The following IQSEC2 variants were observed in gnomAD, a reference collection of about 807,000 sequenced individuals.
IQSEC2 encodes IQ motif and SEC7 domain-containing protein 2.
Under a neutral mutation model 74.6 loss-of-function variants are expected in IQSEC2, and 6 were observed. That is an observed-to-expected ratio of 0.08 (90% CI 0.04 to 0.16). The LOEUF is 0.16. Ranked by LOEUF, IQSEC2 falls within the 10% of genes least tolerant of loss-of-function variation. The pLI is 1.00. For missense variants in IQSEC2, 734 were observed against 1,306.2 expected (o/e 0.56, Z 6.75); for synonymous variants, 494 against 544.5 (o/e 0.91, Z 1.29).
intron 2 of IQSEC2, among the ~76,000 whole-genome samples, chrX:53,262,775 C>T (rs1386222034): frequency 8.0e-5 from 9 of 113,022 alleles, no homozygotes; most frequent in African/African-American, 2.3e-4. Flanking sequence ...GCTGCATACA[C>T]GGGCTTTGGG....
In IQSEC2 at chrX:53,243,471, C is replaced by T; in HGVS notation, c.2750G>A (p.Gly917Glu). 1.7e-6 allele frequency: 2 copies of T among 1,173,785 alleles called. No homozygotes were observed. The highest frequency in any genetic ancestry group is 2.3e-6 in the Non-Finnish European group (2 of 875,114). The stretch of plus-strand genomic sequence containing the variant: ...GGGGATGTCTTCACCATTGTCAACC[C>T]CTGGGGGAGGGAGTAACACAGGGAT... Reference protein sequence around the residue: ...KLDDFIKNLRGVDNGEDIPRD... With the variant: ...KLDDFIKNLREVDNGEDIPRD... Residue 917 changes from glycine to glutamate, a missense_variant and splice_region_variant, in exon 9 of 15, where the codon GGG becomes GAG. Physicochemically the swap from Gly to Glu is moderately conservative, Grantham distance 98. Around this residue, in one of 12 missense-constraint regions of IQSEC2, gnomAD observed 249 missense variants for 467.9 expected, o/e 0.53. Coordinates refer to ENST00000642864, the MANE Select transcript of IQSEC2 (RefSeq NM_001111125.3).
intron 8 of IQSEC2, among the ~76,000 whole-genome samples, chrX:53,243,936 C>T (rs1486641102): frequency 2.7e-5 from 3 of 111,936 alleles, no homozygotes; most frequent in Non-Finnish European, 5.6e-5. Context: ...AATGCTAGTG[C>T]AGGCGGGGCA....
At chrX:53,255,204 C>A (rs1441555812) in intron 3 of IQSEC2, among the ~76,000 whole-genome samples, 8 of 108,491 alleles carry the variant, frequency 7.4e-5, no homozygotes, top group Non-Finnish European at 1.5e-4. Flanking sequence ...AAAAAGAAAG[C>A]AAGGTAGAAA....
chrX:53,287,253 G>A (rs1475090573), intron 2 of IQSEC2, among the ~76,000 whole-genome samples: 1 of 112,380 alleles, frequency 8.9e-6, no homozygotes, highest in Non-Finnish European at 1.9e-5. Context: ...TAAGACAAGT[G>A]AAAATTGGGA....
chrX:53,241,168 C>T (rs1345603434), intron 10 of IQSEC2, among the ~76,000 whole-genome samples: 6 of 111,057 alleles, frequency 5.4e-5, no homozygotes, highest in East Asian at 5.6e-4. Context: ...TGCAGTGGTG[C>T]GATCACAGCA....
At chrX:53,297,362 C>T (rs1415446477) in intron 1 of IQSEC2, among the ~76,000 whole-genome samples, 2 of 110,884 alleles carry the variant, frequency 1.8e-5, no homozygotes, top group Non-Finnish European at 3.8e-5. Context: ...GACAGGTCCT[C>T]ATCCTATTAC....
chrX:53,253,980 T>C (rs1426803626), intron 4 of IQSEC2, among the ~76,000 whole-genome samples: 2 of 112,083 alleles, frequency 1.8e-5, no homozygotes, highest in Non-Finnish European at 3.8e-5. Flanking sequence ...TACATATTTT[T>C]TCCCACAAGA....
chrX:53,303,305 A>T (rs781891667), intron 1 of IQSEC2, among the ~76,000 whole-genome samples: 3 of 111,481 alleles, frequency 2.7e-5, no homozygotes, highest in African/African-American at 6.5e-5. Context: ...GTTCAGTACA[A>T]CTTGAGTGTA....
intron 2 of IQSEC2, among the ~76,000 whole-genome samples, chrX:53,290,885 A>G (rs1194184874): frequency 1.8e-5 from 2 of 112,868 alleles, no homozygotes; most frequent in Non-Finnish European, 3.8e-5. Context: ...GGTCACAGCC[A>G]AAAGGATATG....
chrX:53,251,547 T>C (rs1388585592), intron 4 of IQSEC2, among the ~76,000 whole-genome samples: 2 of 111,685 alleles, frequency 1.8e-5, no homozygotes, highest in Non-Finnish European at 3.8e-5. Flanking sequence ...GTTTCCTCTG[T>C]GGGAATTCTC....
chrX:53,312,804 T>C (rs2075334312), intron 1 of IQSEC2, among the ~76,000 whole-genome samples: 1 of 112,221 alleles, frequency 8.9e-6, no homozygotes, highest in Admixed American at 9.5e-5. Flanking sequence ...ATGACAATAA[T>C]TCTAAAGTGG....
chrX:53,295,625 A>G (rs915935117), intron 1 of IQSEC2, among the ~76,000 whole-genome samples: 28 of 108,672 alleles, frequency 2.6e-4, no homozygotes, highest in African/African-American at 3.7e-4. Flanking sequence ...AAAAAAAAAA[A>G]AAGAAGAAGC....
chrX:53,309,570 C>G (rs2075301000), intron 1 of IQSEC2, among the ~76,000 whole-genome samples: 1 of 111,470 alleles, frequency 9.0e-6, no homozygotes, highest in Non-Finnish European at 1.9e-5. Context: ...GTTGGCCCCT[C>G]CTAACTAACC....
rs1209862900 is a variant in IQSEC2, at chrX:53,233,337, C to T, written c.*882G>A. 1 of 111,147 alleles carries T rather than the reference C, an allele frequency of 9.0e-6. No homozygotes were observed. The highest frequency in any genetic ancestry group is 1.9e-5 in the Non-Finnish European group (1 of 52,874). 9.2% of individuals were successfully genotyped at this position (111,147 alleles called of 1,213,427 possible). ...TCTCCCCAGGGCTGATGCTGGGTGCCCCTGCCCCAGCGAGGTGTGTGTGGG... is the reference window on the plus strand; with the variant it reads ...TCTCCCCAGGGCTGATGCTGGGTGCTCCTGCCCCAGCGAGGTGTGTGTGGG... On this transcript the variant is annotated 3_prime_UTR_variant, in exon 15 of 15. Transcript: ENST00000642864.
chrX:53,256,618 G>A (rs1556865334), intron 2 of IQSEC2, among the ~76,000 whole-genome samples: 4 of 110,890 alleles, frequency 3.6e-5, no homozygotes, highest in African/African-American at 1.3e-4. Flanking sequence ...CCCCTCATCC[G>A]CCCAGCCCTG....
At chrX:53,247,501 C>T (rs1438522225) in intron 7 of IQSEC2, among the ~76,000 whole-genome samples, 4 of 111,962 alleles carry the variant, frequency 3.6e-5, no homozygotes, top group Non-Finnish European at 5.6e-5. Flanking sequence ...TTTCTGACTG[C>T]AAAGCAAATC....
chrX:53,281,583 AC>A, intron 2 of IQSEC2: 3 of 1,111,648 alleles, frequency 2.7e-6, no homozygotes, highest in Admixed American at 2.9e-5. Context: ...CCGTGTCACC[AC>A]CCCCTCCTCC....
chrX:53,274,372 AG>A (rs2074789737), intron 2 of IQSEC2, among the ~76,000 whole-genome samples: 1 of 106,830 alleles, frequency 9.4e-6, no homozygotes, highest in Non-Finnish European at 1.9e-5. Flanking sequence ...GGTATCTGAG[AG>A]GTTCTGTTTC....
chrX:53,289,118 G>C (rs4830365), intron 2 of IQSEC2, among the ~76,000 whole-genome samples: 4 of 102,635 alleles, frequency 3.9e-5, no homozygotes, highest in Non-Finnish European at 7.5e-5. Flanking sequence ...TAAAAGCCCA[G>C]GCCTAGCGCC....
Sources: gnomAD v4.1 joint callset for allele counts (sites outside exome capture counted in the v4.1 genomes callset) on GRCh38, gnomAD v4.1.1 for gene constraint, gnomAD v4.1.1 regional missense constraint, MANE v1.5 for transcripts, NCBI Gene and HGNC (gene_info 2026-07-23, HGNC 2026-07-21) for gene names.